The following NAA15 variants were observed in gnomAD, a reference collection of about 807,000 sequenced individuals.
NAA15 encodes the protein N-alpha-acetyltransferase 15, NatA auxiliary subunit.
A neutral mutation model predicts 114.0 loss-of-function variants in NAA15; 34 were observed. That is an observed-to-expected ratio of 0.30 (90% CI 0.23 to 0.40). NAA15 has a LOEUF of 0.40. Ranked by LOEUF, NAA15 falls within the 10% of genes least tolerant of loss-of-function variation. NAA15 has a pLI of 1.00. For synonymous variants in NAA15, 340 were observed against 338.0 expected, an observed-to-expected ratio of 1.01 and a Z score of -0.06; for missense variants, 658 against 1,004.5, an observed-to-expected ratio of 0.66 and a Z score of 4.66.
intron 3 of NAA15, among the ~76,000 whole-genome samples, chr4:139,340,273 G>T (rs1012833544): frequency 6.6e-6 from 1 of 152,140 alleles, no homozygotes; most frequent in Admixed American, 6.6e-5. Flanking sequence ...AGTGAGCAAA[G>T]ACCACACCAC....
chr4:139,313,514 A>G (rs976890996), intron 1 of NAA15, among the ~76,000 whole-genome samples: 1 of 151,766 alleles, frequency 6.6e-6, no homozygotes, highest in African/African-American at 2.4e-5. Context: ...GCCAATACTT[A>G]ATGACTACAT....
chr4:139,387,999 T>A lies in NAA15; in HGVS notation c.2516T>A (p.Met839Lys). 6.2e-7 allele frequency: 1 copy of A among 1,614,048 alleles called. No homozygotes were observed. Among genetic ancestry groups the A allele is most frequent in the South Asian group, 1.1e-5 (1 of 91,084 alleles). The change falls in exon 20 of 20, where the codon ATG becomes AAG. Residue 839 changes from methionine to lysine, a missense_variant. Met to Lys is a moderately conservative substitution (Grantham distance 95, BLOSUM62 -1). Coordinates refer to ENST00000296543, the MANE Select transcript of NAA15 (RefSeq NM_057175.5). ...HKLFPYALAF[M>K]PPGYEEDMKI... Reference sequence around the variant, plus strand: ...CTTTTCCCTTATGCTTTGGCTTTCATGCCTCCTGGATATGAAGAGGATATG... The same window carrying A: ...CTTTTCCCTTATGCTTTGGCTTTCAAGCCTCCTGGATATGAAGAGGATATG...
At chr4:139,333,682 G>A (rs1747105558) in intron 1 of NAA15, among the ~76,000 whole-genome samples, 1 of 152,170 alleles carries the variant, frequency 6.6e-6, no homozygotes, top group African/African-American at 2.4e-5. Flanking sequence ...GAGATCGCTT[G>A]AGAATCTTGG....
chr4:139,365,221 A>G (rs1052886889), intron 14 of NAA15, among the ~76,000 whole-genome samples: 4 of 152,028 alleles, frequency 2.6e-5, no homozygotes, highest in African/African-American at 7.2e-5. Flanking sequence ...TATTTTTAGT[A>G]GAGACGGGGT....
At chr4:139,312,526 C>T (rs959275141) in intron 1 of NAA15, among the ~76,000 whole-genome samples, 1 of 151,852 alleles carries the variant, frequency 6.6e-6, no homozygotes, top group Non-Finnish European at 1.5e-5. Context: ...TTAAAATAAT[C>T]CCTTACACTT....
chr4:139,319,695 A>G (rs1383502476), intron 1 of NAA15, among the ~76,000 whole-genome samples: 1 of 152,164 alleles, frequency 6.6e-6, no homozygotes. Flanking sequence ...GGCCTCCCAA[A>G]GTGCTGAGAT....
rs546042951 is a variant in NAA15, at chr4:139,360,303, T to A, written c.1411-197T>A. On this transcript the variant is annotated intron_variant, in intron 12 of 19. Transcript: ENST00000296543. ...GTGTGTGTTCAAAAGTTTCACAGTT[T>A]CACCTGTGAAACTACAAATTATTTT... 1.5e-4 allele frequency among the ~76,000 whole-genome samples: 23 copies of A among 152,272 alleles called. No homozygotes were observed. In the South Asian group the frequency reaches 4.6e-3, roughly 30 times the overall value.
At position 139,301,758 on chromosome 4, in the gene NAA15, C is replaced by T; in HGVS notation, c.-20C>T. 1 of 1,560,160 alleles carries T rather than the reference C, an allele frequency of 6.4e-7. No homozygotes were observed. Among genetic ancestry groups the T allele is most frequent in the Non-Finnish European group, 8.7e-7 (1 of 1,151,616 alleles). ...TGACCGAGCCGGGTGGTGGCGGGAG[C>T]AGCGGGAGCAGCCGGAACGATGCCG... On this transcript the variant is annotated 5_prime_UTR_variant, in exon 1 of 20. Transcript: ENST00000296543.
chr4:139,308,694 C>T (rs1746109848), intron 1 of NAA15, among the ~76,000 whole-genome samples: 1 of 152,142 alleles, frequency 6.6e-6, no homozygotes, highest in Admixed American at 6.5e-5. Context: ...CGACTCACTG[C>T]AACCTCCACC....
At chr4:139,349,720 C>T (rs984011188) in intron 7 of NAA15, 139 bp downstream of exon 7, 12 of 879,288 alleles carry the variant, frequency 1.4e-5, no homozygotes, top group Non-Finnish European at 2.0e-5. Context: ...CGCAGTGGCT[C>T]GTGCCTGTAA....
intron 15 of NAA15, among the ~76,000 whole-genome samples, chr4:139,375,255 C>G (rs902107055): frequency 6.6e-6 from 1 of 152,140 alleles, no homozygotes; most frequent in Non-Finnish European, 1.5e-5. Context: ...TCTCTTGGTT[C>G]CTGAATCCAC....
At chr4:139,328,116 T>G (rs1560958984) in intron 1 of NAA15, among the ~76,000 whole-genome samples, 1 of 139,248 alleles carries the variant, frequency 7.2e-6, no homozygotes, top group Non-Finnish European at 1.6e-5. Flanking sequence ...TCTAGCCCAC[T>G]GATTTTTTTT....
intron 1 of NAA15, among the ~76,000 whole-genome samples, chr4:139,322,055 C>T (rs1746636276): frequency 6.6e-6 from 1 of 152,186 alleles, no homozygotes; most frequent in African/African-American, 2.4e-5. Context: ...TTTTGGCAGA[C>T]AATTTGCTTG....
chr4:139,389,677 A>G lies in NAA15; in HGVS notation c.*1593A>G, dbSNP rs1748998971. 1 of 152,782 alleles carries G rather than the reference A, an allele frequency of 6.5e-6. No individual in the cohort carries two copies. Among genetic ancestry groups the G allele is most frequent in the East Asian group, 1.9e-4 (1 of 5,190 alleles). 9.5% of individuals were successfully genotyped at this position (152,782 alleles called of 1,614,324 possible). On this transcript the variant is annotated 3_prime_UTR_variant, in exon 20 of 20. Transcript: ENST00000296543. Reference sequence around the variant, plus strand: ...CATTGCATTTGCAAGATCTGAGCAAATAAGATTAAGTAAAACAAATCAATT... The same window carrying G: ...CATTGCATTTGCAAGATCTGAGCAAGTAAGATTAAGTAAAACAAATCAATT...
chr4:139,303,105 C>T (rs1293667199), intron 1 of NAA15, among the ~76,000 whole-genome samples: 1 of 152,180 alleles, frequency 6.6e-6, no homozygotes, highest in African/African-American at 2.4e-5. Flanking sequence ...ACAAAAGTGT[C>T]CATATGCCCT....
rs549182208 is a variant in NAA15 at position 139,372,061 on chromosome 4, G to A, written c.1947+1657G>A. On this transcript the variant is annotated intron_variant, in intron 15 of 19. Coordinates refer to ENST00000296543, the MANE Select transcript of NAA15 (RefSeq NM_057175.5). ...CTCCCAAGTAGCTGGGACTACAGGC[G>A]CCCGCCACCATGCCCGGCTAATTTT... Among the ~76,000 whole-genome samples the A allele has an allele frequency of 2.6e-5, 4 of 152,044 alleles. No homozygotes were observed. The South Asian group carries it at 6.2e-4, about 24-fold the overall frequency.
intron 14 of NAA15, among the ~76,000 whole-genome samples, chr4:139,365,978 GT>G (rs1232643157): frequency 6.6e-6 from 1 of 151,174 alleles, no homozygotes; most frequent in Non-Finnish European, 1.5e-5. Context: ...TCCATTTATA[GT>G]TTTGTGTTTC....
chr4:139,353,214 A>C (rs1747837432), intron 9 of NAA15, among the ~76,000 whole-genome samples: 1 of 152,212 alleles, frequency 6.6e-6, no homozygotes, highest in Non-Finnish European at 1.5e-5. Context: ...AGAATAATAA[A>C]TGCAACTGAT....
intron 18 of NAA15, among the ~76,000 whole-genome samples, chr4:139,385,760 C>A (rs1748894750): frequency 6.6e-6 from 1 of 152,102 alleles, no homozygotes; most frequent in Non-Finnish European, 1.5e-5. Flanking sequence ...TAGGATAGTC[C>A]CCCAACCTCC....
Sources: allele counts gnomAD v4.1 joint callset (sites outside exome capture counted in the v4.1 genomes callset), GRCh38; gene constraint gnomAD v4.1.1; transcripts MANE v1.5; gene names NCBI Gene and HGNC (gene_info 2026-07-23, HGNC 2026-07-21).